The following GLRA2 variants were observed in gnomAD, a reference collection of about 807,000 sequenced individuals.
The protein encoded by GLRA2 is glycine receptor subunit alpha-2.
GLRA2 carries 11 observed loss-of-function variants against 31.6 expected under a neutral mutation model. That is an observed-to-expected ratio of 0.35 (90% CI 0.22 to 0.58). The LOEUF is 0.58. Among genes scored for constraint, GLRA2 ranks in the 20% least tolerant of loss-of-function variants. GLRA2 has a pLI of 0.84. For synonymous variants in GLRA2, 132 were observed against 134.0 expected (o/e 0.99, Z 0.10); for missense variants, 212 against 351.8 (o/e 0.60, Z 3.18).
chrX:14,619,994 C>T (rs746614231), intron 7 of GLRA2, among the ~76,000 whole-genome samples: 16 of 95,590 alleles, frequency 1.7e-4, no homozygotes, highest in South Asian at 5.0e-4. Flanking sequence ...CCTAGCCAGG[C>T]GCCCCCCCGT....
chrX:14,509,365 A>G, the GLRA2 span, among the ~76,000 whole-genome samples: 1 of 112,991 alleles, frequency 8.9e-6, no homozygotes, highest in Non-Finnish European at 1.9e-5. Flanking sequence ...AACTAACAAC[A>G]GTGTTTAGTT....
At chrX:14,583,584 A>G (rs1162607742) in intron 4 of GLRA2, among the ~76,000 whole-genome samples, 13 of 111,486 alleles carry the variant, frequency 1.2e-4, no homozygotes, top group Admixed American at 9.5e-4. Flanking sequence ...TAAAAAATAT[A>G]AAAAATTAGC....
At chrX:14,688,784 G>A (rs890329935) in intron 7 of GLRA2, among the ~76,000 whole-genome samples, 9 of 110,159 alleles carry the variant, frequency 8.2e-5, no homozygotes, top group East Asian at 5.8e-4. Flanking sequence ...TCCGGCTCAC[G>A]CTCGGTGGGC....
chrX:14,693,043 A>T lies in GLRA2; in HGVS notation c.1080+2184A>T, dbSNP rs1223270642. Among the ~76,000 whole-genome samples the T allele has an allele frequency of 2.6e-4, 24 of 91,351 alleles. 1 individual carries two copies. The highest frequency in any genetic ancestry group is 9.2e-4 in the African/African-American group (24 of 26,134). 79.3% of individuals were successfully genotyped at this position (91,351 alleles called of 115,157 possible). A position where few individuals can be genotyped will look rare whatever the true frequency, so the allele number is the denominator to read the frequency against. On this transcript the variant is annotated intron_variant, in intron 8 of 8. Coordinates refer to ENST00000218075, the MANE Select transcript of GLRA2 (RefSeq NM_002063.4). ...TGTACCCTAAAACTTAAAGTATAAT[A>T]ACAAAAAAAAAAAAGAAAGAGGGAA... is the stretch of plus-strand genomic sequence containing the variant.
At chrX:14,484,777 TTAA>T in the GLRA2 span, among the ~76,000 whole-genome samples, 1 of 111,634 alleles carries the variant, frequency 9.0e-6, no homozygotes, top group Non-Finnish European at 1.9e-5. Flanking sequence ...GGGCACATAG[TTAA>T]TAAGGTCATA....
At chrX:14,602,824 G>A (rs2147090110) in intron 4 of GLRA2, among the ~76,000 whole-genome samples, 1 of 111,928 alleles carries the variant, frequency 8.9e-6, no homozygotes, top group East Asian at 2.8e-4. Context: ...TTATCCACTT[G>A]TTGATTAATG....
intron 2 of GLRA2, among the ~76,000 whole-genome samples, chrX:14,543,263 G>T (rs1407723439): frequency 1.1e-5 from 1 of 94,997 alleles, no homozygotes; most frequent in South Asian, 4.7e-4. Context: ...AAAAAAAAAG[G>T]ACTTAGAACA....
At chrX:14,505,193 A>G in the GLRA2 span, among the ~76,000 whole-genome samples, 1 of 112,169 alleles carries the variant, frequency 8.9e-6, no homozygotes, top group African/African-American at 3.2e-5. Context: ...AGCCAAACTC[A>G]AATATTGAGT....
chrX:14,727,108 G>A (rs752227823), intron 8 of GLRA2, among the ~76,000 whole-genome samples: 4 of 111,669 alleles, frequency 3.6e-5, no homozygotes, highest in South Asian at 3.8e-4. Flanking sequence ...GATGGACATC[G>A]GAACTCATCT....
At chrX:14,551,677 C>T (rs189714113) in intron 2 of GLRA2, among the ~76,000 whole-genome samples, 2 of 111,607 alleles carry the variant, frequency 1.8e-5, no homozygotes, top group East Asian at 5.6e-4. Flanking sequence ...CAAAAACATG[C>T]CCTTTCATAT....
the GLRA2 span, among the ~76,000 whole-genome samples, chrX:14,514,384 A>C: frequency 1.8e-5 from 2 of 110,639 alleles, no homozygotes; most frequent in African/African-American, 3.3e-5. Flanking sequence ...CCTGTTCCCC[A>C]AAAAAACCTA....
chrX:14,602,442 C>A, intron 4 of GLRA2, among the ~76,000 whole-genome samples: 1 of 107,981 alleles, frequency 9.3e-6, no homozygotes, highest in South Asian at 4.2e-4. Context: ...TTTTTTATTT[C>A]CATAGGTTTT....
At chrX:14,500,660 T>G in the GLRA2 span, among the ~76,000 whole-genome samples, 1 of 111,987 alleles carries the variant, frequency 8.9e-6, no homozygotes, top group Admixed American at 9.4e-5. Flanking sequence ...AGGGAAAAGT[T>G]TTCTGTGCAT....
In GLRA2 at chrX:14,650,449, C is replaced by T. The variant is rs781469917; in HGVS notation, c.931-40261C>T. ...TGACAGGTTAATCAAATAAATATGG[C>T]AGGAAGGGAAAATACATCTGAATAT... On this transcript the variant is annotated intron_variant, in intron 7 of 8. Transcript: ENST00000218075. 7.2e-4 allele frequency among the ~76,000 whole-genome samples: 80 copies of T among 110,549 alleles called. 2 individuals carry two copies. The highest frequency in any genetic ancestry group is 2.5e-4 in the Non-Finnish European group (13 of 52,857).
chrX:14,586,657 A>G (rs1437199492), intron 4 of GLRA2, among the ~76,000 whole-genome samples: 3 of 112,071 alleles, frequency 2.7e-5, no homozygotes, highest in African/African-American at 6.5e-5. Flanking sequence ...TAGTGAGGTG[A>G]GTCTTGAAGG....
intron 7 of GLRA2, among the ~76,000 whole-genome samples, chrX:14,681,757 T>G (rs987431686): frequency 9.6e-6 from 1 of 103,811 alleles, no homozygotes; most frequent in African/African-American, 3.5e-5. Flanking sequence ...CCAGGTGTGG[T>G]GGCACGTGCC....
At chrX:14,659,362 G>C (rs143065289) in intron 7 of GLRA2, among the ~76,000 whole-genome samples, 162 of 112,006 alleles carry the variant, frequency 1.4e-3, no homozygotes, top group African/African-American at 5.0e-3. Context: ...AAATCTATTT[G>C]TAGATTATTT....
rs146385233 is a variant in GLRA2, at chrX:14,552,662, T to G, written c.202+20290T>G. 6.0e-3 allele frequency among the ~76,000 whole-genome samples: 667 copies of G among 111,802 alleles called. 4 individuals are homozygous for G. The highest frequency in any genetic ancestry group is 0.021 in the African/African-American group (647 of 30,733). ...AGATGAATGTTTTGAGAGGTATGCA[T>G]CAACCCAAGCCAATACCCCAAAAGA... On this transcript the variant is annotated intron_variant, in intron 2 of 8. Transcript: ENST00000218075.
At chrX:14,541,640 C>T (rs775125962) in intron 2 of GLRA2, among the ~76,000 whole-genome samples, 32 of 111,373 alleles carry the variant, frequency 2.9e-4, no homozygotes, top group African/African-American at 9.7e-4. Context: ...TCCCACCACC[C>T]AAATAAATGT....
Sources: allele counts gnomAD v4.1 joint callset (sites outside exome capture counted in the v4.1 genomes callset), GRCh38; gene constraint gnomAD v4.1.1; transcripts MANE v1.5; gene names NCBI Gene and HGNC (gene_info 2026-07-23, HGNC 2026-07-21).